MGA: variants seen among roughly 807,000 people sequenced by gnomAD.
MGA encodes MAX gene-associated protein.
Under a neutral mutation model 261.1 loss-of-function variants are expected in MGA, and 40 were observed. That is an observed-to-expected ratio of 0.15 (90% confidence interval 0.12 to 0.20). The LOEUF is 0.20. MGA is among the 10% of genes least tolerant of loss of function. The pLI, the probability that MGA is intolerant of heterozygous loss-of-function variation, is 1.00. For synonymous variants in MGA, 1,302 were observed against 1,290.6 expected (o/e 1.01, Z -0.19); for missense variants, 3,397 against 3,630.5 (o/e 0.94, Z 1.65).
chr15:41,665,996 A>C (rs982734834), intron 1 of MGA, among the ~76,000 whole-genome samples: 2 of 151,070 alleles, frequency 1.3e-5, no homozygotes, highest in Non-Finnish European at 2.9e-5. Flanking sequence ...GCTCACTGCA[A>C]CCTGAACTTC....
intron 11 of MGA, among the ~76,000 whole-genome samples, chr15:41,731,167 T>C (rs1330978771): frequency 1.3e-5 from 2 of 152,174 alleles, no homozygotes; most frequent in Non-Finnish European, 2.9e-5. Context: ...ATGTAAATTA[T>C]ATATCATTTA....
Position 41,631,598 on chromosome 15 carries a change from C to CT in MGA, c.-68+10308dup, listed in dbSNP as rs1054852559. Among the ~76,000 whole-genome samples the CT allele has an allele frequency of 1.2e-4, 18 of 151,968 alleles. 1 individual carries two copies. Among genetic ancestry groups the CT allele is most frequent in the East Asian group, 7.7e-4 (4 of 5,200 alleles). The stretch of plus-strand genomic sequence containing the variant: ...TACAAGTGTGACAGAGGCACACTTT[C>CT]TTTTTTTTGCTATGTGTAGGTTCCT... On this transcript the variant is annotated intron_variant, in intron 1 of 8. Transcript: ENST00000566718.
At chr15:41,688,395 T>C (rs1005799944) in intron 2 of MGA, among the ~76,000 whole-genome samples, 1 of 152,182 alleles carries the variant, frequency 6.6e-6, no homozygotes, top group African/African-American at 2.4e-5. Flanking sequence ...TAAAGTCTAC[T>C]TTGTTTGATG....
intron 7 of MGA, 89 bp downstream of exon 7, chr15:41,708,297 T>C: frequency 1.1e-6 from 1 of 950,130 alleles, no homozygotes; most frequent in Non-Finnish European, 1.6e-6. Context: ...TTTTTCTTCA[T>C]TCCTTCTCGC....
At chr15:41,751,210 T>C (rs1365648125) in intron 17 of MGA, 2 of 152,272 alleles carry the variant, frequency 1.3e-5, no homozygotes, top group Non-Finnish European at 2.9e-5. Context: ...CTATTTTTAT[T>C]ATTTTCCTGA....
chr15:41,669,554 C>T lies in MGA; in HGVS notation c.660C>T (p.Gly220=). 2 of 1,613,994 alleles carry T rather than the reference C, an allele frequency of 1.2e-6. No homozygotes were observed. Among genetic ancestry groups the T allele is most frequent in the Non-Finnish European group, 1.7e-6 (2 of 1,179,904 alleles). Reference sequence around the variant, plus strand: ...CTGTGGAGGTGATACAATTAAATGGCCCTGGTGTCCACACTTTTACCTTCC... The same window carrying T: ...CTGTGGAGGTGATACAATTAAATGGTCCTGGTGTCCACACTTTTACCTTCC... The change falls in exon 2 of 24, where the codon GGC becomes GGT. Residue 220 remains glycine (G), a synonymous_variant. Coordinates refer to ENST00000219905, the MANE Select transcript of MGA (RefSeq NM_001164273.2).
intron 3 of MGA, among the ~76,000 whole-genome samples, chr15:41,697,418 C>CTTTTTTTTTTTTTTTT (rs1204938099): frequency 7.5e-6 from 1 of 132,826 alleles, no homozygotes; most frequent in African/African-American, 2.8e-5. Context: ...TTTTTCTTTT[C>CTTTTTTTTTTTTTTTT]TTTTTTTTTT....
At chr15:41,718,598 A>G (rs1034018309) in intron 9 of MGA, 2 of 339,246 alleles carry the variant, frequency 5.9e-6, no homozygotes, top group South Asian at 1.7e-4. Context: ...GAGCATCAAT[A>G]AGATGTTTTG....
chr15:41,737,880 T>C (rs2061874855), intron 13 of MGA, among the ~76,000 whole-genome samples: 1 of 151,648 alleles, frequency 6.6e-6, no homozygotes, highest in Non-Finnish European at 1.5e-5. Context: ...CTTGAGAGGC[T>C]GAGGCAGGAG....
At chr15:41,764,785 CT>C in intron 22 of MGA, 100 bp from the exon 23 acceptor site, 1 of 1,182,348 alleles carries the variant, frequency 8.5e-7, no homozygotes, top group Admixed American at 2.1e-5. Context: ...CTCAAGTGAT[CT>C]GCCTGCCTCA....
intron 1 of MGA, among the ~76,000 whole-genome samples, chr15:41,634,971 G>T (rs1468972994): frequency 6.6e-6 from 1 of 152,174 alleles, no homozygotes; most frequent in African/African-American, 2.4e-5. Flanking sequence ...TTTGAAGTAA[G>T]AACACTTAGG....
intron 7 of MGA, among the ~76,000 whole-genome samples, chr15:41,709,819 TC>T (rs761893795): frequency 1.4e-4 from 21 of 150,842 alleles, no homozygotes; most frequent in African/African-American, 3.6e-4. Context: ...TATGTGTTTT[TC>T]TTTTCTTTTC....
intron 1 of MGA, among the ~76,000 whole-genome samples, chr15:41,640,177 A>T (rs2056793035): frequency 6.6e-6 from 1 of 152,204 alleles, no homozygotes; most frequent in Non-Finnish European, 1.5e-5. Context: ...GAAGGCAGAG[A>T]GAAGATGCTA....
chr15:41,747,622 G>A (rs1049821408), intron 15 of MGA, among the ~76,000 whole-genome samples: 1 of 151,682 alleles, frequency 6.6e-6, no homozygotes, highest in Non-Finnish European at 1.5e-5. Context: ...GCTGAGCCTG[G>A]GAGTTCGAGG....
Position 41,676,606 on chromosome 15 carries a change from T to G in MGA, c.1064+6648T>G, listed in dbSNP as rs1003284130. The stretch of plus-strand genomic sequence containing the variant: ...ATGGCAGGCATTTTTAAGGGGTGTA[T>G]TAGTATCTATAAGATGTATTTAATC... On this transcript the variant is annotated intron_variant, in intron 2 of 23. Coordinates refer to ENST00000219905, the MANE Select transcript of MGA (RefSeq NM_001164273.2). Among the ~76,000 whole-genome samples, 4 of 152,218 alleles carry G rather than the reference T, an allele frequency of 2.6e-5. No homozygotes were observed. In the South Asian group the frequency reaches 8.3e-4, roughly 32 times the overall value.
intron 2 of MGA, among the ~76,000 whole-genome samples, chr15:41,681,383 C>T (rs530924319): frequency 6.7e-6 from 1 of 149,020 alleles, no homozygotes; most frequent in South Asian, 2.1e-4. Context: ...GTTTTTAAAT[C>T]CTTGTAGTAT....
At chr15:41,641,487 C>CTTTTT (rs35157141) in intron 1 of MGA, among the ~76,000 whole-genome samples, 1 of 123,688 alleles carries the variant, frequency 8.1e-6, no homozygotes, top group African/African-American at 3.0e-5. Context: ...CATCCTAACA[C>CTTTTT]TTTTTTTTTT....
intron 1 of MGA, among the ~76,000 whole-genome samples, chr15:41,667,995 G>A (rs1307803470): frequency 2.6e-5 from 4 of 151,654 alleles, no homozygotes; most frequent in Admixed American, 2.0e-4. Context: ...ATAGAGATGG[G>A]GTTTCGCCAT....
chr15:41,722,580 C>G (rs1024938914), intron 9 of MGA, among the ~76,000 whole-genome samples: 1 of 152,104 alleles, frequency 6.6e-6, no homozygotes, highest in Admixed American at 6.6e-5. Context: ...TAGCACTGTT[C>G]TATTTCTTGT....
Sources: allele counts gnomAD v4.1 joint callset (sites outside exome capture counted in the v4.1 genomes callset), GRCh38; gene constraint gnomAD v4.1.1; transcripts MANE v1.5; gene names NCBI Gene and HGNC (gene_info 2026-07-23, HGNC 2026-07-21).